ATP6V1G1: variants seen among roughly 807,000 people sequenced by gnomAD.
ATP6V1G1 encodes the protein V-type proton ATPase subunit G 1.
A neutral mutation model predicts 14.2 loss-of-function variants in ATP6V1G1; 14 were observed. The ratio of observed to expected loss-of-function variants is 0.99; its 90% CI spans 0.65 to 1.55. The LOEUF is 1.55. Among genes scored for constraint, ATP6V1G1 ranks in the 40% most tolerant of loss-of-function variants. The pLI, the probability that ATP6V1G1 is intolerant of heterozygous loss-of-function variation, is 0.00. For missense variants in ATP6V1G1, 137 were observed against 146.4 expected (o/e 0.94, Z 0.33); for synonymous variants, 65 against 53.3 (o/e 1.22, Z -0.96).
At chr9:114,593,202 G>A (rs1845201749) in intron 2 of ATP6V1G1, among the ~76,000 whole-genome samples, 1 of 152,188 alleles carries the variant, frequency 6.6e-6, no homozygotes, top group Non-Finnish European at 1.5e-5. Context: ...AAGGGGAAAG[G>A]ATGGATAAGG....
chr9:114,593,260 A>G (rs1273557991), intron 2 of ATP6V1G1, among the ~76,000 whole-genome samples: 38 of 152,196 alleles, frequency 2.5e-4, no homozygotes, highest in Non-Finnish European at 2.9e-5. Flanking sequence ...GCAGGTAACA[A>G]AATATAATTA....
At chr9:114,595,198 T>A (rs1382387728) in intron 2 of ATP6V1G1, among the ~76,000 whole-genome samples, 2 of 152,126 alleles carry the variant, frequency 1.3e-5, no homozygotes, top group Non-Finnish European at 1.5e-5. Context: ...AGTGTTCCAT[T>A]GTAACCTCTT....
intron 2 of ATP6V1G1, among the ~76,000 whole-genome samples, chr9:114,596,456 T>C (rs975988411): frequency 6.6e-6 from 1 of 152,030 alleles, no homozygotes; most frequent in Non-Finnish European, 1.5e-5. Flanking sequence ...AGACCTGCAG[T>C]CCTCCTCAGA....
intron 2 of ATP6V1G1, among the ~76,000 whole-genome samples, chr9:114,595,861 A>G (rs1683746685): frequency 6.6e-6 from 1 of 152,182 alleles, no homozygotes; most frequent in South Asian, 2.1e-4. Context: ...GCAAATTAAT[A>G]TATTATGCAA....
intron 2 of ATP6V1G1, 67 bp from the exon 3 acceptor site, chr9:114,597,503 G>A (rs1845251631): frequency 2.9e-6 from 4 of 1,377,118 alleles, no homozygotes; most frequent in East Asian, 2.7e-5. Flanking sequence ...AGTAGCTTAC[G>A]AAATGTACCT....
At chr9:114,588,780 TC>T (rs1229054363) in intron 1 of ATP6V1G1, among the ~76,000 whole-genome samples, 2 of 152,156 alleles carry the variant, frequency 1.3e-5, no homozygotes, top group Non-Finnish European at 2.9e-5. Context: ...CTCTCTGCAA[TC>T]AGTCATCCTT....
chr9:114,593,332 A>G (rs945835342), intron 2 of ATP6V1G1, among the ~76,000 whole-genome samples: 2 of 152,136 alleles, frequency 1.3e-5, no homozygotes, highest in East Asian at 1.9e-4. Flanking sequence ...CTTAAATAAT[A>G]TGCTCAGGAC....
chr9:114,594,861 C>CTTTTTTTTTTTTTTTTTTT (rs71997716), intron 2 of ATP6V1G1, among the ~76,000 whole-genome samples: 2 of 110,580 alleles, frequency 1.8e-5, no homozygotes, highest in Non-Finnish European at 3.6e-5. Flanking sequence ...TTCTTTTTTT[C>CTTTTTTTTTTTTTTTTTTT]TTTTTTTTTT....
At chr9:114,594,837 T>C (rs1377332798) in intron 2 of ATP6V1G1, among the ~76,000 whole-genome samples, 1 of 150,336 alleles carries the variant, frequency 6.7e-6, no homozygotes, top group East Asian at 2.0e-4. Context: ...GATTCCTTTT[T>C]TCTTTCTTTT....
intron 1 of ATP6V1G1, among the ~76,000 whole-genome samples, chr9:114,590,653 T>C (rs1308405618): frequency 6.6e-6 from 1 of 152,080 alleles, no homozygotes; most frequent in African/African-American, 2.4e-5. Context: ...TTGCCTTTCT[T>C]GATTTATAAT....
chr9:114,591,824 G>C (rs1361267998), intron 1 of ATP6V1G1, among the ~76,000 whole-genome samples: 1 of 149,454 alleles, frequency 6.7e-6, no homozygotes, highest in African/African-American at 2.5e-5. Context: ...TTTTTTATTG[G>C]TGAGCGGAGA....
chr9:114,597,211 C>T (rs1258612445), intron 2 of ATP6V1G1, among the ~76,000 whole-genome samples: 6 of 151,954 alleles, frequency 3.9e-5, no homozygotes, highest in Admixed American at 2.0e-4. Context: ...AGGATGGTCT[C>T]GATCTCCTGA....
Position 114,598,815 on chromosome 9 carries a change from T to G in ATP6V1G1, c.*1072T>G, listed in dbSNP as rs925034366. On this transcript the variant is annotated 3_prime_UTR_variant, in exon 3 of 3. Coordinates refer to ENST00000374050, the MANE Select transcript of ATP6V1G1 (RefSeq NM_004888.4). ...TAGGTAAAAACAGTTGAAAGAACAT[T>G]ATGGGATTTCCTTGCTTGTTCTGAT... Among the ~76,000 whole-genome samples the G allele has an allele frequency of 6.6e-6, 1 of 152,212 alleles. No homozygotes were observed. The highest frequency in any genetic ancestry group is 1.9e-4 in the East Asian group (1 of 5,176).
intron 2 of ATP6V1G1, among the ~76,000 whole-genome samples, chr9:114,594,158 C>T (rs1845210832): frequency 1.3e-5 from 2 of 151,666 alleles, no homozygotes; most frequent in South Asian, 2.1e-4. Flanking sequence ...CAACCTCTGC[C>T]TCCCAGGTTC....
chr9:114,592,622 G>A lies in ATP6V1G1; in HGVS notation c.153G>A (p.Arg51=). Residue 51 remains arginine (R), a synonymous_variant, in exon 2 of 3, where the codon AGG becomes AGA. Transcript: ENST00000374050. The part of the protein sequence containing the change: ...QAEIEQYRLQ[R]EKEFKAKEAA... ...AAATTGAACAGTACCGCCTGCAGAG[G>A]GAGAAAGAATTCAAGGCCAAGGAAG... The A allele has an allele frequency of 1.3e-6, 2 of 1,578,504 alleles. No individual in the cohort carries two copies. Among genetic ancestry groups the A allele is most frequent in the Non-Finnish European group, 1.7e-6 (2 of 1,161,108 alleles).
chr9:114,589,511 T>A (rs905880372), intron 1 of ATP6V1G1, among the ~76,000 whole-genome samples: 2 of 152,216 alleles, frequency 1.3e-5, no homozygotes, highest in African/African-American at 4.8e-5. Context: ...CAACTAGATT[T>A]CAAGCATGTC....
At position 114,597,616 on chromosome 9, in the gene ATP6V1G1, C is replaced by T; in HGVS notation, c.230C>T (p.Thr77Ile). The T allele has an allele frequency of 6.4e-7, 1 of 1,572,272 alleles. No homozygotes were observed. Among genetic ancestry groups the T allele is most frequent in the Non-Finnish European group, 8.6e-7 (1 of 1,160,914 alleles). ...GSCSTEVEKE[T>I]QEKMTILQTY... is the part of the protein sequence containing the mutation. Reference sequence around the variant, plus strand: ...TGCAGCACTGAAGTGGAGAAGGAGACCCAGGAGAAGATGACCATCCTCCAG... The same window carrying T: ...TGCAGCACTGAAGTGGAGAAGGAGATCCAGGAGAAGATGACCATCCTCCAG... The change falls in exon 3 of 3, where the codon ACC becomes ATC. Residue 77 changes from threonine to isoleucine, a missense_variant. Thr to Ile is a moderately conservative substitution (Grantham distance 89). Coordinates refer to ENST00000374050, the MANE Select transcript of ATP6V1G1 (RefSeq NM_004888.4).
At chr9:114,588,497 A>C (rs1466200264) in intron 1 of ATP6V1G1, among the ~76,000 whole-genome samples, 3 of 142,438 alleles carry the variant, frequency 2.1e-5, no homozygotes, top group Non-Finnish European at 4.5e-5. Flanking sequence ...TGTTTCTAAC[A>C]TGTGGCAAGC....
chr9:114,592,596 G>C lies in ATP6V1G1; in HGVS notation c.127G>C (p.Glu43Gln). Residue 43 changes from glutamate (E) to glutamine (Q), a missense_variant, in exon 2 of 3, where the codon GAA (glutamate) becomes CAA (glutamine). Glu to Gln is a conservative substitution (Grantham distance 29). Coordinates refer to ENST00000374050, the MANE Select transcript of ATP6V1G1 (RefSeq NM_004888.4). The stretch of plus-strand genomic sequence containing the variant: ...GCAGGCCAAAGAAGAAGCTCAGGCT[G>C]AAATTGAACAGTACCGCCTGCAGAG... ...LKQAKEEAQA[E>Q]IEQYRLQREK... 6.3e-7 allele frequency: 1 copy of C among 1,576,336 alleles called. No homozygotes were observed. Among genetic ancestry groups the C allele is most frequent in the South Asian group, 1.2e-5 (1 of 85,908 alleles).
Sources: gnomAD v4.1 joint callset for allele counts (sites outside exome capture counted in the v4.1 genomes callset) on GRCh38, gnomAD v4.1.1 for gene constraint, MANE v1.5 for transcripts, NCBI Gene and HGNC (gene_info 2026-07-23, HGNC 2026-07-21) for gene names.